The following NPAS2 variants were observed in gnomAD, a reference collection of about 807,000 sequenced individuals.
The protein encoded by NPAS2 is neuronal PAS domain-containing protein 2.
In NPAS2, 23 loss-of-function variants were observed where a neutral mutation model predicts 107.5. The observed-to-expected ratio is 0.21, with a 90% confidence interval of 0.15 to 0.30. NPAS2 has a LOEUF of 0.30. Among genes scored for constraint, NPAS2 ranks in the 10% least tolerant of loss-of-function variants. The probability of loss-of-function intolerance (pLI) is 1.00; values close to 1 mark genes in which losing one functional copy is unlikely to be tolerated. For missense variants in NPAS2, 756 were observed against 1,043.3 expected (o/e 0.72, Z 3.79); for synonymous variants, 403 against 417.5 (o/e 0.97, Z 0.42).
chr2:100,862,136 C>G, intron 1 of NPAS2, among the ~76,000 whole-genome samples: 1 of 152,056 alleles, frequency 6.6e-6, no homozygotes, highest in East Asian at 1.9e-4. Context: ...TTCTCACAAC[C>G]TATCGGATGG....
chr2:100,925,423 C>A (rs111248766), intron 3 of NPAS2, 129 bp downstream of exon 3: 3 of 967,862 alleles, frequency 3.1e-6, no homozygotes, highest in African/African-American at 3.3e-5. Context: ...TCGAGGGCTT[C>A]CCATTGTAAA....
rs137902848 is a variant in NPAS2, at chr2:100,904,489, A to G, written c.-22-244A>G. Reference sequence around the variant, plus strand: ...AAGTTACTTGACATCTGATGACTTCATTGCTCCGATGCCCAATGAAAGAGT... The same window carrying G: ...AAGTTACTTGACATCTGATGACTTCGTTGCTCCGATGCCCAATGAAAGAGT... On this transcript the variant is annotated intron_variant, in intron 1 of 20. Coordinates refer to ENST00000335681, the MANE Select transcript of NPAS2 (RefSeq NM_002518.4). Among the ~76,000 whole-genome samples the G allele has an allele frequency of 4.0e-3, 471 of 116,656 alleles. 3 individuals are homozygous for G. The highest frequency in any genetic ancestry group is 0.016 in the African/African-American group (442 of 27,878). The allele number at this position is 116,656 out of a possible 152,430, so 76.5% of individuals were successfully genotyped here.
chr2:100,917,629 A>G (rs955421328), intron 2 of NPAS2, among the ~76,000 whole-genome samples: 2 of 152,370 alleles, frequency 1.3e-5, no homozygotes, highest in East Asian at 1.9e-4. Context: ...AAGGCCTATC[A>G]TTAGATATTC....
rs187032861 is a variant in NPAS2, at chr2:100,965,378, G to A, written c.801-282G>A. ...TTATATTACACTTTGGTGTTGGGCT[G>A]ATCCAATTTGTAGCTGTTTTTAATT... On this transcript the variant is annotated intron_variant, in intron 9 of 20. Coordinates refer to ENST00000335681, the MANE Select transcript of NPAS2 (RefSeq NM_002518.4). This position sits in a 1 kb window ranked among gnomAD's most constrained non-coding sequence, Gnocchi z 4.3. 1.3e-3 allele frequency among the ~76,000 whole-genome samples: 201 copies of A among 152,174 alleles called. No individual in the cohort carries two copies. Among genetic ancestry groups the A allele is most frequent in the African/African-American group, 2.9e-3 (121 of 41,536 alleles).
intron 7 of NPAS2, among the ~76,000 whole-genome samples, chr2:100,953,868 C>T (rs114637618): frequency 2.6e-5 from 4 of 152,204 alleles, no homozygotes; most frequent in Admixed American, 6.5e-5. Flanking sequence ...ATGCCCTGCA[C>T]CCACATGCCA....
chr2:100,923,101 A>G (rs562368530), intron 2 of NPAS2, among the ~76,000 whole-genome samples: 53 of 152,340 alleles, frequency 3.5e-4, no homozygotes, highest in Non-Finnish European at 6.0e-4. Flanking sequence ...GTGTTTGAAC[A>G]TGGTCTTTTA....
intron 1 of NPAS2, among the ~76,000 whole-genome samples, chr2:100,824,906 A>G (rs1228256386): frequency 1.3e-5 from 2 of 152,248 alleles, no homozygotes; most frequent in Non-Finnish European, 2.9e-5. Context: ...AAGGAAAAGC[A>G]GAGGAACCCC....
intron 16 of NPAS2, chr2:100,986,274 C>G (rs1677771949): frequency 6.6e-6 from 1 of 152,202 alleles, no homozygotes; most frequent in African/African-American, 2.4e-5. Context: ...ACCTGCCCAT[C>G]TCGGGCCTCT....
At chr2:100,830,994 T>C (rs1490287799) in intron 1 of NPAS2, among the ~76,000 whole-genome samples, 1 of 152,142 alleles carries the variant, frequency 6.6e-6, no homozygotes, top group African/African-American at 2.4e-5. Context: ...GGCTGCTACA[T>C]TGACCTACCA....
intron 3 of NPAS2, among the ~76,000 whole-genome samples, chr2:100,925,946 T>C (rs1235115698): frequency 6.6e-6 from 1 of 152,004 alleles, no homozygotes; most frequent in East Asian, 1.9e-4. Flanking sequence ...TTCCCATTCT[T>C]CCCCCTCCCT....
chr2:100,910,819 T>A (rs1388770415), intron 2 of NPAS2, among the ~76,000 whole-genome samples: 3 of 152,176 alleles, frequency 2.0e-5, no homozygotes, highest in Non-Finnish European at 4.4e-5. Flanking sequence ...TGAGCCACCA[T>A]GCCCAGCCTA....
At chr2:100,878,293 A>G (rs1680113986) in intron 1 of NPAS2, 1 of 985,442 alleles carries the variant, frequency 1.0e-6, no homozygotes. Context: ...TGAGGCAAGC[A>G]GCATTCCCTG....
At chr2:100,959,276 A>G (rs1675782010) in intron 7 of NPAS2, among the ~76,000 whole-genome samples, 1 of 108,052 alleles carries the variant, frequency 9.3e-6, no homozygotes, top group African/African-American at 4.3e-5. Flanking sequence ...CTCAAAAAAA[A>G]AAAATTTTTT....
chr2:100,995,152 G>T, intron 20 of NPAS2: 1 of 457,520 alleles, frequency 2.2e-6, no homozygotes, highest in Non-Finnish European at 3.8e-6. Flanking sequence ...GGCCTCAGTC[G>T]ATTGGGCCAG....
intron 1 of NPAS2, among the ~76,000 whole-genome samples, chr2:100,856,640 C>T (rs538155440): frequency 5.7e-5 from 8 of 140,868 alleles, no homozygotes; most frequent in East Asian, 2.2e-4. Context: ...CGGCACACTC[C>T]GAGTGCATTG....
intron 12 of NPAS2, among the ~76,000 whole-genome samples, chr2:100,973,321 A>G (rs1272887906): frequency 2.6e-5 from 4 of 152,212 alleles, no homozygotes; most frequent in Non-Finnish European, 2.9e-5. Flanking sequence ...CATTTGTAAA[A>G]TGCAGATTCC....
intron 12 of NPAS2, among the ~76,000 whole-genome samples, chr2:100,974,298 G>A (rs1249904445): frequency 1.3e-5 from 2 of 152,146 alleles, no homozygotes; most frequent in East Asian, 1.9e-4. Flanking sequence ...GCGAGAGGTC[G>A]AAAGACAGGA....
At chr2:100,870,515 C>T (rs978118834) in intron 1 of NPAS2, among the ~76,000 whole-genome samples, 3 of 152,290 alleles carry the variant, frequency 2.0e-5, no homozygotes, top group South Asian at 4.1e-4. Context: ...CCTACCTCCA[C>T]CTCCCGAGTA....
chr2:100,912,763 T>C, intron 2 of NPAS2, among the ~76,000 whole-genome samples: 1 of 152,270 alleles, frequency 6.6e-6, no homozygotes, highest in East Asian at 1.9e-4. Flanking sequence ...AGTACCTGGC[T>C]TTGGAAGCCA....
Sources: gnomAD v4.1 joint callset for allele counts (sites outside exome capture counted in the v4.1 genomes callset) on GRCh38, gnomAD v4.1.1 for gene constraint, Gnocchi (gnomAD v3.1) non-coding constraint, MANE v1.5 for transcripts, NCBI Gene and HGNC (gene_info 2026-07-23, HGNC 2026-07-21) for gene names.